SPDYE3: variants seen among roughly 807,000 people sequenced by gnomAD.
SPDYE3 encodes speedy protein E3.
In SPDYE3, 15 loss-of-function variants were observed where a neutral mutation model predicts 55.0. The observed-to-expected ratio is 0.27, with a 90% CI of 0.18 to 0.42. The LOEUF (loss-of-function observed/expected upper bound fraction) is 0.42, where lower values mean the gene tolerates loss of function less well. SPDYE3 is among the 10% of genes least tolerant of loss of function. The pLI, the probability that SPDYE3 is intolerant of heterozygous loss-of-function variation, is 1.00. For missense variants in SPDYE3, 236 were observed against 576.7 expected, an observed-to-expected ratio of 0.41 and a Z score of 6.05; for synonymous variants, 89 against 229.9, an observed-to-expected ratio of 0.39 and a Z score of 5.55.
At chr7:100,320,210 C>G in intron 10 of SPDYE3, 175 bp downstream of exon 10, 1 of 1,345,326 alleles carries the variant, frequency 7.4e-7, no homozygotes, top group Non-Finnish European at 9.9e-7. Context: ...CCCAACTACT[C>G]AAGAGGCTGA....
In SPDYE3 at chr7:100,321,278, T is replaced by C. The variant is rs1454583728; in HGVS notation, c.*433T>C. 5.6e-6 allele frequency: 2 copies of C among 354,926 alleles called. No homozygotes were observed. Among genetic ancestry groups the C allele is most frequent in the Non-Finnish European group, 1.1e-5 (2 of 178,974 alleles). The allele number at this position is 354,926 out of a possible 1,614,324, so 22.0% of individuals were successfully genotyped here. A position where few individuals can be genotyped will look rare whatever the true frequency, so the allele number is the denominator to read the frequency against. On this transcript the variant is annotated 3_prime_UTR_variant, in exon 11 of 11. Transcript: ENST00000332397. ...GGGCTCAGATTGGCACAGAATTCTT[T>C]GTGAAATATGAGTGCCACAGACTGT...
At chr7:100,318,057 G>A (rs1466861343) in intron 8 of SPDYE3, among the ~76,000 whole-genome samples, 1 of 151,556 alleles carries the variant, frequency 6.6e-6, no homozygotes, top group African/African-American at 2.4e-5. Flanking sequence ...GAGCGGAGGA[G>A]CGGACATGAC....
chr7:100,312,333 G>A (rs867155727), intron 4 of SPDYE3, among the ~76,000 whole-genome samples: 6 of 148,770 alleles, frequency 4.0e-5, no homozygotes, highest in Non-Finnish European at 6.0e-5. Flanking sequence ...AAAACTCTGC[G>A]TCAAAAGAAA....
intron 8 of SPDYE3, among the ~76,000 whole-genome samples, chr7:100,317,554 A>G (rs1037926679): frequency 2.0e-5 from 3 of 151,776 alleles, no homozygotes; most frequent in Admixed American, 6.6e-5. Flanking sequence ...GCAGTAAGCT[A>G]AGGTTGAGCC....
chr7:100,317,054 C>A lies in SPDYE3; in HGVS notation c.1261-16C>A. On this transcript the variant is annotated splice_polypyrimidine_tract_variant and intron_variant, in intron 7 of 10. Transcript: ENST00000332397. ...GATGTGACCTCTCCCTCTCTGTGTT[C>A]CTTTCTCTCCATCAGTATCTCCTGG... 3 of 1,578,242 alleles carry A rather than the reference C, an allele frequency of 1.9e-6. No individual in the cohort carries two copies. The highest frequency in any genetic ancestry group is 2.6e-6 in the Non-Finnish European group (3 of 1,149,286).
At chr7:100,317,837 G>A (rs532574767) in intron 8 of SPDYE3, among the ~76,000 whole-genome samples, 56 of 150,514 alleles carry the variant, frequency 3.7e-4, no homozygotes, top group African/African-American at 1.3e-3. Context: ...TTAGCCAGGT[G>A]TGGTGGCGGG....
intron 8 of SPDYE3, among the ~76,000 whole-genome samples, chr7:100,318,725 CTTTTT>C (rs71126316): frequency 9.3e-6 from 1 of 106,978 alleles, no homozygotes; most frequent in Admixed American, 9.7e-5. Flanking sequence ...TATTCAATTG[CTTTTT>C]TTTTTTTTTT....
At chr7:100,312,572 T>TG (rs931339227) in intron 4 of SPDYE3, among the ~76,000 whole-genome samples, 4 of 125,310 alleles carry the variant, frequency 3.2e-5, no homozygotes, top group Non-Finnish European at 6.9e-5. Context: ...GGAGGGTGTG[T>TG]GGGAAGAATG....
chr7:100,313,011 G>T lies in SPDYE3; in HGVS notation c.764-129G>T, dbSNP rs952820651. 20 of 567,556 alleles carry T rather than the reference G, an allele frequency of 3.5e-5. No individual in the cohort carries two copies. In the Admixed American group the frequency reaches 6.1e-4, roughly 17 times the overall value. The allele number at this position is 567,556 out of a possible 1,614,324, so 35.2% of individuals were successfully genotyped here. A position where few individuals can be genotyped will look rare whatever the true frequency, so the allele number is the denominator to read the frequency against. ...TGGGGTTGAGCAGAGGAGAAAGTCA[G>T]AAAGGTGGCTTGGAGAAGCCAGCAG... On this transcript the variant is annotated intron_variant, in intron 4 of 10. Transcript: ENST00000332397.
chr7:100,317,589 A>T (rs1806134207), intron 8 of SPDYE3, among the ~76,000 whole-genome samples: 1 of 151,350 alleles, frequency 6.6e-6, no homozygotes, highest in Non-Finnish European at 1.5e-5. Flanking sequence ...TGGGCAACAG[A>T]GTGAGACTTT....
intron 2 of SPDYE3, among the ~76,000 whole-genome samples, chr7:100,309,871 G>C (rs1427525892): frequency 6.7e-6 from 1 of 149,220 alleles, no homozygotes; most frequent in African/African-American, 2.5e-5. Context: ...AAGGCAGGTG[G>C]ATCACGTGAG....
At chr7:100,317,755 G>A (rs1222122161) in intron 8 of SPDYE3, among the ~76,000 whole-genome samples, 1 of 151,412 alleles carries the variant, frequency 6.6e-6, no homozygotes, top group Non-Finnish European at 1.5e-5. Flanking sequence ...CACAAGGTCA[G>A]GAGAGCAAAA....
rs771078801 is a variant in SPDYE3, at chr7:100,321,002, C to T, written c.*157C>T. 1.3e-5 allele frequency: 15 copies of T among 1,193,018 alleles called. No homozygotes were observed. Among genetic ancestry groups the T allele is most frequent in the Non-Finnish European group, 1.6e-5 (14 of 877,862 alleles). 73.9% of individuals were successfully genotyped at this position (1,193,018 alleles called of 1,614,324 possible). On this transcript the variant is annotated 3_prime_UTR_variant, in exon 11 of 11. Coordinates refer to ENST00000332397, the MANE Select transcript of SPDYE3 (RefSeq NM_001004351.5). ...ATTTGTGCAGATCATCTAGAAGAAC[C>T]TGGACCATTCTTGACAGAGCTGAAT...
intron 3 of SPDYE3, among the ~76,000 whole-genome samples, chr7:100,311,427 A>C (rs1420122350): frequency 7.6e-6 from 1 of 131,784 alleles, no homozygotes; most frequent in Non-Finnish European, 1.6e-5. Context: ...TAGATGTTGC[A>C]GTCAGCTGAG....
At chr7:100,316,878 C>T (rs912411140) in intron 7 of SPDYE3, among the ~76,000 whole-genome samples, 192 bp from the exon 8 acceptor site, 6 of 152,156 alleles carry the variant, frequency 3.9e-5, no homozygotes, top group East Asian at 3.9e-4. Context: ...ACCCTTCCTC[C>T]GGCTTCTCGG....
At chr7:100,318,006 A>G (rs1260858922) in intron 8 of SPDYE3, among the ~76,000 whole-genome samples, 1 of 151,384 alleles carries the variant, frequency 6.6e-6, no homozygotes, top group Non-Finnish European at 1.5e-5. Flanking sequence ...AGAACAAAAA[A>G]CAAAAGGAAC....
At chr7:100,312,928 T>A (rs540493202) in intron 4 of SPDYE3, among the ~76,000 whole-genome samples, 37 of 149,532 alleles carry the variant, frequency 2.5e-4, no homozygotes, top group African/African-American at 8.9e-4. Context: ...GGGAACGATA[T>A]GTCGCAGTGT....
chr7:100,317,975 C>CAAAAAAAAAAAAAAAA (rs1159920205), intron 8 of SPDYE3, among the ~76,000 whole-genome samples: 7 of 43,774 alleles, frequency 1.6e-4, no homozygotes, highest in Non-Finnish European at 3.2e-4. Context: ...GACTCCGTCT[C>CAAAAAAAAAAAAAAAA]AAAAAAAAAA....
intron 6 of SPDYE3, 50 bp from the exon 7 acceptor site, chr7:100,315,735 A>G: frequency 6.3e-7 from 1 of 1,597,558 alleles, no homozygotes; most frequent in Non-Finnish European, 8.5e-7. Flanking sequence ...TGCTGCTCCC[A>G]TGGAAACCCT....
Sources: allele counts gnomAD v4.1 joint callset (sites outside exome capture counted in the v4.1 genomes callset), GRCh38; gene constraint gnomAD v4.1.1; transcripts MANE v1.5; gene names NCBI Gene and HGNC (gene_info 2026-07-23, HGNC 2026-07-21).